The following GRM7 variants were observed in gnomAD, a reference collection of about 807,000 sequenced individuals.
GRM7 encodes the protein metabotropic glutamate receptor 7.
GRM7 carries 35 observed loss-of-function variants against 84.5 expected under a neutral mutation model. The ratio of observed to expected loss-of-function variants is 0.41; its 90% CI spans 0.32 to 0.55. The LOEUF (loss-of-function observed/expected upper bound fraction) is 0.55. Ranked by LOEUF, GRM7 falls within the 20% of genes least tolerant of loss-of-function variation. The pLI, the probability that GRM7 is intolerant of heterozygous loss-of-function variation, is 0.19. For synonymous variants in GRM7, 487 were observed against 455.1 expected (o/e 1.07, Z -0.89); for missense variants, 1,003 against 1,194.6 (o/e 0.84, Z 2.36).
chr3:7,148,451 A>G (rs918489645), intron 2 of GRM7, among the ~76,000 whole-genome samples: 10 of 152,210 alleles, frequency 6.6e-5, no homozygotes, highest in Non-Finnish European at 2.9e-5. Context: ...AAGGAAGAAC[A>G]CTGCCCATTC....
chr3:7,693,318 A>T (rs2125152635), intron 9 of GRM7, among the ~76,000 whole-genome samples: 1 of 152,318 alleles, frequency 6.6e-6, no homozygotes, highest in East Asian at 1.9e-4. Flanking sequence ...ATTTGCTAAC[A>T]TTAAAAAATG....
At chr3:7,231,193 A>G (rs1262130016) in intron 2 of GRM7, among the ~76,000 whole-genome samples, 1 of 152,178 alleles carries the variant, frequency 6.6e-6, no homozygotes, top group African/African-American at 2.4e-5. Context: ...TGAATTAGGC[A>G]TTTGACATGT....
rs1362857223 is a variant in GRM7 at position 7,342,077 on chromosome 3, C to CA, written c.1033+35426dup. Among the ~76,000 whole-genome samples, 6 of 152,246 alleles carry CA rather than the reference C, an allele frequency of 3.9e-5. No individual in the cohort carries two copies. In the East Asian group the frequency reaches 1.2e-3, roughly 29 times the overall value. Reference sequence around the variant, plus strand: ...ACAGACACAGCATTCCATTCATGTGCACCATTCTCTAGAATTCATAGCTCC... The same window carrying CA: ...ACAGACACAGCATTCCATTCATGTGCAACCATTCTCTAGAATTCATAGCTCC... On this transcript the variant is annotated intron_variant, in intron 4 of 9. Transcript: ENST00000357716.
chr3:7,232,867 T>C (rs1047130429), intron 2 of GRM7, among the ~76,000 whole-genome samples: 3 of 152,148 alleles, frequency 2.0e-5, no homozygotes, highest in African/African-American at 7.2e-5. Context: ...TAACATAGTC[T>C]TCTTAGGATT....
intron 2 of GRM7, among the ~76,000 whole-genome samples, chr3:7,272,109 C>T (rs1290644302): frequency 6.6e-6 from 1 of 152,144 alleles, no homozygotes; most frequent in East Asian, 1.9e-4. Flanking sequence ...CATCTTACTT[C>T]TCAGTTGCTA....
At chr3:7,146,034 A>G (rs1051797688) in intron 1 of GRM7, among the ~76,000 whole-genome samples, 1 of 152,238 alleles carries the variant, frequency 6.6e-6, no homozygotes, top group African/African-American at 2.4e-5. Context: ...ATATCCACCC[A>G]GTATTCACAA....
intron 2 of GRM7, among the ~76,000 whole-genome samples, chr3:7,241,842 A>G (rs1697570291): frequency 6.6e-6 from 1 of 152,152 alleles, no homozygotes; most frequent in African/African-American, 2.4e-5. Flanking sequence ...TTGATCAAAC[A>G]TTTCAGAGAT....
At chr3:7,119,508 CAT>C (rs1693150197) in intron 1 of GRM7, among the ~76,000 whole-genome samples, 1 of 152,096 alleles carries the variant, frequency 6.6e-6, no homozygotes, top group African/African-American at 2.4e-5. Context: ...GCAGAACAAA[CAT>C]AAAACAATTA....
At chr3:7,374,548 G>A (rs759115792) in intron 4 of GRM7, among the ~76,000 whole-genome samples, 13 of 151,714 alleles carry the variant, frequency 8.6e-5, no homozygotes, top group East Asian at 5.8e-4. Flanking sequence ...GTGCGATCTC[G>A]GCTCACTGCA....
At chr3:7,698,238 T>G (rs936135414) in intron 9 of GRM7, among the ~76,000 whole-genome samples, 1 of 152,172 alleles carries the variant, frequency 6.6e-6, no homozygotes, top group Non-Finnish European at 1.5e-5. Flanking sequence ...GAGATAGTGT[T>G]CTGGGCAGAG....
chr3:7,189,265 C>T (rs771029312), intron 2 of GRM7, among the ~76,000 whole-genome samples: 1 of 152,148 alleles, frequency 6.6e-6, no homozygotes, highest in East Asian at 1.9e-4. Flanking sequence ...CGCACACACA[C>T]ACGCACGTGA....
At chr3:7,218,379 C>T (rs1004902613) in intron 2 of GRM7, among the ~76,000 whole-genome samples, 2 of 151,990 alleles carry the variant, frequency 1.3e-5, no homozygotes, top group Non-Finnish European at 2.9e-5. Flanking sequence ...ATGTTTTATA[C>T]ATTTATTTTC....
At chr3:6,894,084 T>C (rs1184112875) in intron 1 of GRM7, 1 of 152,158 alleles carries the variant, frequency 6.6e-6, no homozygotes, top group East Asian at 1.9e-4. Flanking sequence ...GTTCAACCAC[T>C]ATACATTCCA....
At chr3:7,684,152 G>C (rs1700488524) in intron 9 of GRM7, among the ~76,000 whole-genome samples, 1 of 152,138 alleles carries the variant, frequency 6.6e-6, no homozygotes, top group South Asian at 2.1e-4. Context: ...TGCTATACTA[G>C]GTAACATTAT....
intron 8 of GRM7, among the ~76,000 whole-genome samples, chr3:7,588,293 A>C (rs2125061060): frequency 6.6e-6 from 1 of 152,312 alleles, no homozygotes; most frequent in South Asian, 2.1e-4. Context: ...TTGGGGCGTA[A>C]GAGTTCAGGG....
chr3:7,044,785 C>A (rs1283062988), intron 1 of GRM7, among the ~76,000 whole-genome samples: 1 of 151,994 alleles, frequency 6.6e-6, no homozygotes, highest in Non-Finnish European at 1.5e-5. Flanking sequence ...GTAGTAAGTT[C>A]CAAATATTCT....
intron 2 of GRM7, among the ~76,000 whole-genome samples, chr3:7,244,305 T>C (rs1424753083): frequency 6.6e-6 from 1 of 152,120 alleles, no homozygotes; most frequent in African/African-American, 2.4e-5. Context: ...TTGGTAAAAC[T>C]GTTGATACTT....
At chr3:7,326,413 T>G (rs1700990322) in intron 4 of GRM7, among the ~76,000 whole-genome samples, 1 of 152,280 alleles carries the variant, frequency 6.6e-6, no homozygotes, top group Non-Finnish European at 1.5e-5. Flanking sequence ...GCATTTTTTC[T>G]TTAAAGAGCT....
intron 1 of GRM7, among the ~76,000 whole-genome samples, chr3:7,099,478 TA>T (rs2125018663): frequency 1.4e-5 from 2 of 145,814 alleles, no homozygotes; most frequent in South Asian, 4.2e-4. Flanking sequence ...TATACACATA[TA>T]TGTATATGTA....
Sources: allele counts gnomAD v4.1 joint callset (sites outside exome capture counted in the v4.1 genomes callset), GRCh38; gene constraint gnomAD v4.1.1; transcripts MANE v1.5; gene names NCBI Gene and HGNC (gene_info 2026-07-23, HGNC 2026-07-21).